Variants in HS3ST2 observed in about 807,000 individuals in gnomAD.
The protein encoded by HS3ST2 is heparan sulfate-glucosamine 3-sulfotransferase 2, also known as heparan sulfate glucosamine 3-O-sulfotransferase 2.
Under a neutral mutation model 26.3 loss-of-function variants are expected in HS3ST2, and 17 were observed. The observed-to-expected ratio is 0.65, with a 90% CI of 0.44 to 0.97. HS3ST2 has a LOEUF of 0.97. HS3ST2 is among the 50% of genes least tolerant of loss of function. HS3ST2 has a pLI of 0.00. For synonymous variants in HS3ST2, 237 were observed against 219.2 expected (o/e 1.08, Z -0.72); for missense variants, 402 against 501.2 (o/e 0.80, Z 1.89).
chr16:22,828,099 C>T (rs905218661), intron 1 of HS3ST2, among the ~76,000 whole-genome samples: 2 of 152,150 alleles, frequency 1.3e-5, no homozygotes, highest in Non-Finnish European at 1.5e-5. Context: ...ATACTTGCCC[C>T]TGGCTTGACT....
intron 1 of HS3ST2, among the ~76,000 whole-genome samples, chr16:22,832,151 C>CTTTTTTTTTTTTTTTTTT (rs71151684): frequency 1.3e-4 from 15 of 115,446 alleles, no homozygotes; most frequent in Non-Finnish European, 2.4e-4. Context: ...CCCAGCTGAT[C>CTTTTTTTTTTTTTTTTTT]TTTTTTTTTT....
intron 1 of HS3ST2, among the ~76,000 whole-genome samples, chr16:22,841,283 G>A (rs569814627): frequency 2.0e-5 from 3 of 151,950 alleles, no homozygotes; most frequent in African/African-American, 2.4e-5. Context: ...GGCTGGTCTC[G>A]AACTCCTGAC....
chr16:22,892,995 CTCCAGTTATT>C (rs1028929045), intron 1 of HS3ST2, among the ~76,000 whole-genome samples: 1 of 152,176 alleles, frequency 6.6e-6, no homozygotes. Flanking sequence ...TTTTCCATCT[CTCCAGTTATT>C]AAAGTTTTAA....
At chr16:22,829,805 A>G (rs1001868656) in intron 1 of HS3ST2, among the ~76,000 whole-genome samples, 3 of 152,148 alleles carry the variant, frequency 2.0e-5, no homozygotes, top group Non-Finnish European at 4.4e-5. Context: ...ATTCAATGTG[A>G]TAAGAAAGTG....
Position 22,908,073 on chromosome 16 carries a change from G to A in HS3ST2, c.486-6871G>A, listed in dbSNP as rs1902378211. ...GCCTGGGAGGTCGAGGCTGCAGTAA[G>A]CTGAGACTGTGCCACTGTACTCCAG... is the stretch of plus-strand genomic sequence containing the variant. On this transcript the variant is annotated intron_variant, in intron 1 of 1. Coordinates refer to ENST00000261374, the MANE Select transcript of HS3ST2 (RefSeq NM_006043.2). Among the ~76,000 whole-genome samples the A allele has an allele frequency of 2.0e-5, 3 of 152,194 alleles. No homozygotes were observed. The South Asian group carries it at 6.2e-4, about 32-fold the overall frequency.
chr16:22,856,778 G>T (rs1275467203), intron 1 of HS3ST2, among the ~76,000 whole-genome samples: 1 of 152,084 alleles, frequency 6.6e-6, no homozygotes, highest in African/African-American at 2.4e-5. Context: ...AGGAGTCCAG[G>T]CAAGGAATCA....
intron 1 of HS3ST2, among the ~76,000 whole-genome samples, chr16:22,894,579 T>C (rs906525366): frequency 6.6e-6 from 1 of 152,040 alleles, no homozygotes; most frequent in African/African-American, 2.4e-5. Context: ...CCTTCTCCTC[T>C]TTCCTAAGTC....
intron 1 of HS3ST2, among the ~76,000 whole-genome samples, chr16:22,826,933 A>G (rs1901095026): frequency 6.6e-6 from 1 of 152,236 alleles, no homozygotes; most frequent in Non-Finnish European, 1.5e-5. Context: ...GAGATAGTCA[A>G]TAAATAAGTA....
intron 1 of HS3ST2, among the ~76,000 whole-genome samples, chr16:22,834,594 CAG>C (rs1901224168): frequency 6.6e-6 from 1 of 151,928 alleles, no homozygotes; most frequent in African/African-American, 2.4e-5. Context: ...AATGAAAGGA[CAG>C]CAGCAAGTAT....
chr16:22,891,072 G>C (rs148293752), intron 1 of HS3ST2, among the ~76,000 whole-genome samples: 1,538 of 152,316 alleles, frequency 0.01, 25 homozygotes, highest in African/African-American at 0.033. Context: ...ATGGTGAAAT[G>C]CATTTTACTT....
At chr16:22,874,700 G>A (rs147404599) in intron 1 of HS3ST2, among the ~76,000 whole-genome samples, 1 of 152,310 alleles carries the variant, frequency 6.6e-6, no homozygotes, top group African/African-American at 2.4e-5. Context: ...GACAGTACTG[G>A]GACCTGGCAT....
chr16:22,825,653 G>C (rs894942817), intron 1 of HS3ST2, among the ~76,000 whole-genome samples: 4 of 152,150 alleles, frequency 2.6e-5, no homozygotes, highest in Non-Finnish European at 5.9e-5. Flanking sequence ...GGGCTAATAA[G>C]GAGGGGGAAC....
intron 1 of HS3ST2, among the ~76,000 whole-genome samples, chr16:22,906,100 C>T (rs1424096947): frequency 2.6e-5 from 4 of 152,208 alleles, no homozygotes; most frequent in South Asian, 4.1e-4. Context: ...CAGCCGGGCA[C>T]GGTGGCTCAT....
intron 1 of HS3ST2, among the ~76,000 whole-genome samples, chr16:22,901,905 T>A (rs925592952): frequency 6.6e-6 from 1 of 152,182 alleles, no homozygotes; most frequent in African/African-American, 2.4e-5. Context: ...TAGTTTTTTT[T>A]AAATGACAAA....
At chr16:22,841,052 A>G (rs548406403) in intron 1 of HS3ST2, among the ~76,000 whole-genome samples, 1 of 141,374 alleles carries the variant, frequency 7.1e-6, no homozygotes, top group South Asian at 2.2e-4. Flanking sequence ...CCTATGAGTG[A>G]GAGCAACCGG....
At chr16:22,858,126 G>T (rs567588963) in intron 1 of HS3ST2, among the ~76,000 whole-genome samples, 1 of 152,120 alleles carries the variant, frequency 6.6e-6, no homozygotes, top group African/African-American at 2.4e-5. Flanking sequence ...CCTAGTATTT[G>T]CTAGCAAAAC....
intron 1 of HS3ST2, among the ~76,000 whole-genome samples, chr16:22,862,365 A>G (rs1221886378): frequency 1.3e-5 from 2 of 151,422 alleles, no homozygotes; most frequent in East Asian, 1.9e-4. Context: ...GATCTGTTGA[A>G]GTGGTTTGAT....
chr16:22,899,683 G>A (rs1389434947), intron 1 of HS3ST2, among the ~76,000 whole-genome samples: 3 of 152,196 alleles, frequency 2.0e-5, no homozygotes, highest in South Asian at 2.1e-4. Flanking sequence ...GAATCATGGC[G>A]AAAGGTGAAG....
intron 1 of HS3ST2, among the ~76,000 whole-genome samples, chr16:22,866,408 T>TGTC (rs1901753675): frequency 8.6e-6 from 1 of 116,112 alleles, no homozygotes; most frequent in Admixed American, 8.4e-5. Context: ...GTGTGTGTGT[T>TGTC]GGGGCAGAGG....
Sources: allele counts gnomAD v4.1 joint callset (sites outside exome capture counted in the v4.1 genomes callset), GRCh38; gene constraint gnomAD v4.1.1; transcripts MANE v1.5; gene names NCBI Gene and HGNC (gene_info 2026-07-23, HGNC 2026-07-21).